CAMK1D: variants seen among roughly 807,000 people sequenced by gnomAD.
CAMK1D encodes the protein calcium/calmodulin dependent protein kinase ID.
A neutral mutation model predicts 47.7 loss-of-function variants in CAMK1D; 9 were observed. The observed-to-expected ratio is 0.19, with a 90% CI of 0.11 to 0.33. The LOEUF is 0.33. CAMK1D is among the 10% of genes least tolerant of loss of function. CAMK1D has a pLI of 1.00. For missense variants in CAMK1D, 291 were observed against 488.7 expected (o/e 0.60, Z 3.81); for synonymous variants, 184 against 184.9 (o/e 0.99, Z 0.04).
intron 1 of CAMK1D, among the ~76,000 whole-genome samples, chr10:12,536,996 A>C (rs950262629): frequency 1.3e-5 from 2 of 152,226 alleles, no homozygotes; most frequent in African/African-American, 4.8e-5. Flanking sequence ...TTCTGTAGCC[A>C]TATGACATTC....
At chr10:12,615,594 T>TG (rs5783280) in intron 2 of CAMK1D, among the ~76,000 whole-genome samples, 143,482 of 151,168 alleles carry the variant, frequency 0.95, 68,724 homozygotes, top group East Asian at 1. Flanking sequence ...TAGGTGTGTA[T>TG]TGTGTTTGCA....
chr10:12,677,146 A>G (rs939211079), intron 3 of CAMK1D, among the ~76,000 whole-genome samples: 2 of 152,158 alleles, frequency 1.3e-5, no homozygotes, highest in Non-Finnish European at 2.9e-5. Context: ...CTGTTTGCAC[A>G]GTTCCCTGTT....
intron 5 of CAMK1D, among the ~76,000 whole-genome samples, chr10:12,778,456 C>T (rs1165246915): frequency 1.3e-5 from 2 of 152,210 alleles, no homozygotes; most frequent in African/African-American, 4.8e-5. Flanking sequence ...CATCCCCATC[C>T]ATGTCACTGA....
chr10:12,769,918 C>A, intron 5 of CAMK1D, 119 bp downstream of exon 5: 1 of 1,056,950 alleles, frequency 9.5e-7, no homozygotes, highest in Non-Finnish European at 1.4e-6. Context: ...GTAATCACAG[C>A]TGCCTTCACT....
At chr10:12,569,439 G>A (rs575694128) in intron 2 of CAMK1D, among the ~76,000 whole-genome samples, 3 of 152,006 alleles carry the variant, frequency 2.0e-5, no homozygotes, top group East Asian at 3.9e-4. Context: ...GCTGGGGTGC[G>A]GTGGCTCACG....
intron 6 of CAMK1D, among the ~76,000 whole-genome samples, chr10:12,806,470 T>A (rs533657772): frequency 3.9e-5 from 6 of 152,222 alleles, no homozygotes; most frequent in Non-Finnish European, 7.3e-5. Context: ...CTCTCTTCCC[T>A]GCCTTCCTGC....
chr10:12,669,029 C>G (rs1290217883), intron 3 of CAMK1D, among the ~76,000 whole-genome samples: 1 of 152,100 alleles, frequency 6.6e-6, no homozygotes, highest in Non-Finnish European at 1.5e-5. Context: ...GTCAGGAGTT[C>G]GAGACCAGCC....
intron 1 of CAMK1D, among the ~76,000 whole-genome samples, chr10:12,501,705 G>A (rs1834708906): frequency 6.6e-6 from 1 of 152,186 alleles, no homozygotes; most frequent in South Asian, 2.1e-4. Flanking sequence ...TGGGGGTTGT[G>A]TGTGCCGCTT....
At chr10:12,456,507 G>A (rs192367011) in intron 1 of CAMK1D, 16 of 152,224 alleles carry the variant, frequency 1.1e-4, no homozygotes, top group African/African-American at 2.9e-4. Context: ...TAAAGAAATA[G>A]GTTAACAGTC....
intron 3 of CAMK1D, among the ~76,000 whole-genome samples, chr10:12,734,337 A>AT (rs1835032960): frequency 4.6e-5 from 2 of 43,612 alleles, no homozygotes; most frequent in African/African-American, 2.1e-4. Context: ...AAAAAAAAAA[A>AT]AAAAAAAAAT....
At position 12,740,871 on chromosome 10, in the gene CAMK1D, T is replaced by C. The variant is rs183979364; in HGVS notation, c.300-20077T>C. Among the ~76,000 whole-genome samples the C allele has an allele frequency of 3.4e-3, 516 of 152,324 alleles. 1 individual carries two copies. The highest frequency in any genetic ancestry group is 0.012 in the African/African-American group (491 of 41,582). ...ATCCCTTTGGTTGAGGACTTTTTAG[T>C]GCACCACCAATATTCATCTCATGTG... On this transcript the variant is annotated intron_variant, in intron 3 of 10. Coordinates refer to ENST00000619168, the MANE Select transcript of CAMK1D (RefSeq NM_153498.4).
At chr10:12,596,941 C>A (rs1838163622) in intron 2 of CAMK1D, among the ~76,000 whole-genome samples, 1 of 151,900 alleles carries the variant, frequency 6.6e-6, no homozygotes, top group African/African-American at 2.4e-5. Context: ...AAGTTCCTGT[C>A]TTTGCTTTGA....
At chr10:12,542,446 C>G (rs1037812813) in intron 1 of CAMK1D, among the ~76,000 whole-genome samples, 1 of 152,190 alleles carries the variant, frequency 6.6e-6, no homozygotes, top group African/African-American at 2.4e-5. Context: ...GCTAATAGGG[C>G]AGGTCATTTC....
intron 1 of CAMK1D, among the ~76,000 whole-genome samples, chr10:12,402,819 T>A (rs1391194287): frequency 6.6e-6 from 1 of 151,776 alleles, no homozygotes; most frequent in Admixed American, 6.6e-5. Flanking sequence ...GTCTCCTGCT[T>A]GGGTAATTGG....
chr10:12,701,080 C>G (rs1833498715), intron 3 of CAMK1D, among the ~76,000 whole-genome samples: 1 of 151,680 alleles, frequency 6.6e-6, no homozygotes, highest in Non-Finnish European at 1.5e-5. Flanking sequence ...GTGCATATTT[C>G]CACTTTTAAG....
chr10:12,768,936 G>T (rs1321422894), intron 4 of CAMK1D, among the ~76,000 whole-genome samples: 2 of 152,204 alleles, frequency 1.3e-5, no homozygotes, highest in Non-Finnish European at 2.9e-5. Context: ...TTGCAGAACT[G>T]TAGTGAAGAC....
At chr10:12,559,699 A>G (rs930254350) in intron 2 of CAMK1D, among the ~76,000 whole-genome samples, 2 of 152,158 alleles carry the variant, frequency 1.3e-5, no homozygotes, top group African/African-American at 4.8e-5. Flanking sequence ...AGGAGCAGGC[A>G]CCAGCCACTG....
At chr10:12,380,108 G>T (rs1043323715) in intron 1 of CAMK1D, among the ~76,000 whole-genome samples, 9 of 152,094 alleles carry the variant, frequency 5.9e-5, no homozygotes, top group Non-Finnish European at 8.8e-5. Flanking sequence ...CCTGCTACTC[G>T]GGAGGCTGAG....
rs1838637315 is a variant in CAMK1D at position 12,804,657 on chromosome 10, A to G, written c.642-9538A>G. 2.6e-5 allele frequency among the ~76,000 whole-genome samples: 4 copies of G among 151,612 alleles called. 1 individual carries two copies. In the South Asian group the frequency reaches 8.4e-4, roughly 32 times the overall value. On this transcript the variant is annotated intron_variant, in intron 6 of 10. Transcript: ENST00000619168. ...GAGTGCTAATGAAAGATACAGGCTGAGTATGATGGCTCATGCCTGCAATCC... is the reference window on the plus strand; with the variant it reads ...GAGTGCTAATGAAAGATACAGGCTGGGTATGATGGCTCATGCCTGCAATCC...
Sources: allele counts gnomAD v4.1 joint callset (sites outside exome capture counted in the v4.1 genomes callset), GRCh38; gene constraint gnomAD v4.1.1; transcripts MANE v1.5; gene names NCBI Gene and HGNC (gene_info 2026-07-23, HGNC 2026-07-21).